The following QTMAN variants were observed in gnomAD, a reference collection of about 807,000 sequenced individuals.
The protein encoded by QTMAN is queuosine-tRNA mannosyltransferase, also known as tRNA-queuosine alpha-mannosyltransferase.
At chr2:143,981,636 G>A in the QTMAN span, among the ~76,000 whole-genome samples, 1 of 152,120 alleles carries the variant, frequency 6.6e-6, no homozygotes, top group Non-Finnish European at 1.5e-5. Flanking sequence ...TTTATGTCTT[G>A]TTTCTAGACC....
At chr2:143,956,622 A>T in the QTMAN span, among the ~76,000 whole-genome samples, 105 of 152,286 alleles carry the variant, frequency 6.9e-4, no homozygotes, top group African/African-American at 2.4e-3. Context: ...GAAATTTTTT[A>T]GCAGCTACTC....
chr2:144,182,841 T>C, the QTMAN span, among the ~76,000 whole-genome samples: 1,131 of 66,124 alleles, frequency 0.017, 95 homozygotes, highest in Non-Finnish European at 0.024. Flanking sequence ...ATATATATAT[T>C]ATATATATAT....
chr2:143,986,201 G>A, the QTMAN span, among the ~76,000 whole-genome samples: 1 of 152,030 alleles, frequency 6.6e-6, no homozygotes, highest in South Asian at 2.1e-4. Context: ...CCATTTAATT[G>A]GAATTATTTT....
chr2:144,229,213 A>G, the QTMAN span, among the ~76,000 whole-genome samples: 3 of 152,196 alleles, frequency 2.0e-5, no homozygotes, highest in Non-Finnish European at 2.9e-5. Context: ...TCTCAGACAA[A>G]TTTTAAATGT....
the QTMAN span, among the ~76,000 whole-genome samples, chr2:144,279,020 A>C: frequency 7.2e-5 from 11 of 152,156 alleles, no homozygotes; most frequent in Non-Finnish European, 1.3e-4. Flanking sequence ...GGAGATTAAG[A>C]ACTCTGCCAA....
the QTMAN span, among the ~76,000 whole-genome samples, chr2:144,070,405 G>A: frequency 6.6e-6 from 1 of 152,070 alleles, no homozygotes; most frequent in Non-Finnish European, 1.5e-5. Flanking sequence ...TTCATGTGAT[G>A]ATGCACCTAA....
chr2:144,295,551 C>A, the QTMAN span, among the ~76,000 whole-genome samples: 1 of 152,200 alleles, frequency 6.6e-6, no homozygotes, highest in African/African-American at 2.4e-5. Context: ...TGATTCAGCT[C>A]TCATCCTAGA....
the QTMAN span, among the ~76,000 whole-genome samples, chr2:144,318,194 A>AACACACACACACACACACACACAC: frequency 2.1e-5 from 3 of 141,934 alleles, no homozygotes; most frequent in African/African-American, 5.2e-5. Context: ...TATTTAAATA[A>AACACACACACACACACACACACAC]ACACACACAC....
chr2:143,970,722 T>A, the QTMAN span: 1 of 1,607,280 alleles, frequency 6.2e-7, no homozygotes. Flanking sequence ...TTAAGATGCA[T>A]TAATACCTTA....
chr2:144,040,888 T>C, the QTMAN span, among the ~76,000 whole-genome samples: 5 of 152,226 alleles, frequency 3.3e-5, no homozygotes, highest in African/African-American at 1.2e-4. Context: ...ATTATCATTA[T>C]TTTTTCATTT....
the QTMAN span, among the ~76,000 whole-genome samples, chr2:144,025,652 A>G: frequency 6.6e-6 from 1 of 152,194 alleles, no homozygotes; most frequent in Non-Finnish European, 1.5e-5. Context: ...GGTCTTATCC[A>G]TGACAGGTGT....
At chr2:144,066,708 T>A in the QTMAN span, among the ~76,000 whole-genome samples, 12 of 152,286 alleles carry the variant, frequency 7.9e-5, no homozygotes, top group South Asian at 2.5e-3. Context: ...TCCAGCTACT[T>A]GGGAGGCTGA....
At chr2:143,952,565 A>G in the QTMAN span, among the ~76,000 whole-genome samples, 2 of 151,768 alleles carry the variant, frequency 1.3e-5, no homozygotes, top group South Asian at 4.1e-4. Flanking sequence ...TGTTATTTGA[A>G]AACTTGCTTT....
chr2:143,987,688 TTC>T, the QTMAN span, among the ~76,000 whole-genome samples: 2 of 152,238 alleles, frequency 1.3e-5, no homozygotes, highest in African/African-American at 4.8e-5. Flanking sequence ...CCTCCCTTGC[TTC>T]CCAGCAATAA....
At chr2:144,105,878 G>A in the QTMAN span, among the ~76,000 whole-genome samples, 1 of 152,166 alleles carries the variant, frequency 6.6e-6, no homozygotes, top group Non-Finnish European at 1.5e-5. Flanking sequence ...ACCACAAAGG[G>A]AAGCCCATTA....
chr2:144,287,398 C>T, the QTMAN span, among the ~76,000 whole-genome samples: 1 of 148,882 alleles, frequency 6.7e-6, no homozygotes, highest in Non-Finnish European at 1.5e-5. Context: ...AAGATCGCGC[C>T]ACTGCACTCC....
chr2:144,007,571 G>GA, the QTMAN span: 86 of 1,372,502 alleles, frequency 6.3e-5, no homozygotes, highest in Non-Finnish European at 7.8e-5. Flanking sequence ...ACTTTTAGTG[G>GA]AAAAAAATAT....
chr2:143,976,654 G>A, the QTMAN span, among the ~76,000 whole-genome samples: 2 of 152,206 alleles, frequency 1.3e-5, no homozygotes, highest in Non-Finnish European at 2.9e-5. Flanking sequence ...GTGTGTCATA[G>A]TGCTTTGAAC....
the QTMAN span, among the ~76,000 whole-genome samples, chr2:144,088,137 A>C: frequency 6.6e-6 from 1 of 152,028 alleles, no homozygotes; most frequent in Non-Finnish European, 1.5e-5. Flanking sequence ...CAAAATTAGT[A>C]GTCTTTCTTT....
Sources: gnomAD v4.1 joint callset for allele counts (sites outside exome capture counted in the v4.1 genomes callset) on GRCh38, gnomAD v4.1.1 for gene constraint, MANE v1.5 for transcripts, NCBI Gene and HGNC (gene_info 2026-07-23, HGNC 2026-07-21) for gene names.